Variants in MKX observed in about 807,000 individuals in gnomAD.
MKX encodes the protein mohawk homeobox.
Under a neutral mutation model 36.0 loss-of-function variants are expected in MKX, and 13 were observed. The observed-to-expected ratio is 0.36, with a 90% CI of 0.24 to 0.57. The LOEUF (loss-of-function observed/expected upper bound fraction) is 0.57, where lower values mean the gene tolerates loss of function less well. MKX is among the 20% of genes least tolerant of loss of function. MKX has a pLI of 0.79. For missense variants in MKX, 458 were observed against 456.4 expected, an observed-to-expected ratio of 1.00 and a Z score of -0.03; for synonymous variants, 176 against 178.3, an observed-to-expected ratio of 0.99 and a Z score of 0.10.
chr10:27,740,426 T>G (rs926400890), intron 3 of MKX, among the ~76,000 whole-genome samples: 13 of 152,200 alleles, frequency 8.5e-5, no homozygotes, highest in Non-Finnish European at 1.3e-4. Context: ...TTTAAAAAAT[T>G]GTGACATGAC....
intron 5 of MKX, among the ~76,000 whole-genome samples, chr10:27,711,006 A>G (rs1025817541): frequency 2.0e-5 from 3 of 152,180 alleles, no homozygotes; most frequent in South Asian, 4.1e-4. Flanking sequence ...TTTATAAGTC[A>G]TATTATTGGA....
Position 27,724,167 on chromosome 10 carries a change from A to C in MKX, c.838+10289T>G, listed in dbSNP as rs76131819. The stretch of plus-strand genomic sequence containing the variant: ...TTAAAACAAAAACAACACACACACA[A>C]AAAAATAAAATTGTGTGTATGTGTG... On this transcript the variant is annotated intron_variant, in intron 5 of 6. Coordinates refer to ENST00000419761, the MANE Select transcript of MKX (RefSeq NM_173576.3). Among the ~76,000 whole-genome samples the C allele has an allele frequency of 1.1e-3, 170 of 152,214 alleles. No individual in the cohort carries two copies. In the East Asian group the frequency reaches 0.02, roughly 17 times the overall value.
At chr10:27,676,033 G>C (rs1383135266) in intron 5 of MKX, among the ~76,000 whole-genome samples, 1 of 152,220 alleles carries the variant, frequency 6.6e-6, no homozygotes, top group Non-Finnish European at 1.5e-5. Flanking sequence ...CACTTTGGGA[G>C]GCCAAGGCGG....
chr10:27,728,905 C>T, intron 5 of MKX, among the ~76,000 whole-genome samples: 1 of 152,312 alleles, frequency 6.6e-6, no homozygotes, highest in African/African-American at 2.4e-5. Flanking sequence ...TCCTCTTTCC[C>T]CAGTAACCAA....
At chr10:27,734,111 T>C (rs1834695342) in intron 5 of MKX, among the ~76,000 whole-genome samples, 1 of 152,136 alleles carries the variant, frequency 6.6e-6, no homozygotes, top group Admixed American at 6.5e-5. Context: ...AACATTGTTA[T>C]TCTGAAGATT....
chr10:27,715,242 CCCTCT>C (rs1836943279), intron 5 of MKX, among the ~76,000 whole-genome samples: 1 of 152,154 alleles, frequency 6.6e-6, no homozygotes, highest in South Asian at 2.1e-4. Context: ...TTGCTGGAGT[CCCTCT>C]CCTCTCTACA....
chr10:27,686,481 G>T (rs1323992265), intron 5 of MKX, among the ~76,000 whole-genome samples: 2 of 151,872 alleles, frequency 1.3e-5, no homozygotes, highest in African/African-American at 4.8e-5. Flanking sequence ...GAAGAGAAAA[G>T]TCTTTTCTTT....
intron 5 of MKX, among the ~76,000 whole-genome samples, chr10:27,687,625 G>A (rs1408128780): frequency 1.3e-5 from 2 of 152,122 alleles, no homozygotes. Flanking sequence ...CTTAAAAGTA[G>A]CTTTTCAGAA....
Position 27,734,499 on chromosome 10 carries a change from A to G in MKX, c.795T>C (p.Ser265=), listed in dbSNP as rs1834704239. 6.2e-7 allele frequency: 1 copy of G among 1,614,100 alleles called. No individual in the cohort carries two copies. Residue 265 remains serine (S), a synonymous_variant, in exon 5 of 7, where the codon TCT becomes TCC. Coordinates refer to ENST00000419761, the MANE Select transcript of MKX (RefSeq NM_173576.3). The part of the protein sequence containing the change: ...SSNEFEEELV[S]PSSSETEGNF... ...TGCCTTCAGTTTCTGATGACGATGG[A>G]GACACTAATTCTTCCTCAAATTCAT...
At chr10:27,681,881 C>T (rs1201205004) in intron 5 of MKX, among the ~76,000 whole-genome samples, 1 of 151,934 alleles carries the variant, frequency 6.6e-6, no homozygotes, top group Non-Finnish European at 1.5e-5. Context: ...GAGATTGTGC[C>T]ATTGCACTCC....
chr10:27,745,267 T>C (rs549106034), intron 1 of MKX, among the ~76,000 whole-genome samples: 6 of 152,138 alleles, frequency 3.9e-5, no homozygotes, highest in Admixed American at 3.3e-4. Flanking sequence ...CCCGGCGCGC[T>C]GTAGGTCTGC....
chr10:27,717,368 C>G (rs1836984434), intron 5 of MKX, among the ~76,000 whole-genome samples: 1 of 152,196 alleles, frequency 6.6e-6, no homozygotes, highest in Non-Finnish European at 1.5e-5. Flanking sequence ...GCATTAAAAA[C>G]TGTTCTCTGA....
intron 5 of MKX, among the ~76,000 whole-genome samples, chr10:27,698,376 G>A (rs1836593059): frequency 6.6e-6 from 1 of 152,214 alleles, no homozygotes; most frequent in South Asian, 2.1e-4. Context: ...GAAGGAGCCA[G>A]GCGGGATCAT....
At chr10:27,735,741 T>A (rs1198704961) in intron 3 of MKX, among the ~76,000 whole-genome samples, 1 of 152,176 alleles carries the variant, frequency 6.6e-6, no homozygotes, top group African/African-American at 2.4e-5. Flanking sequence ...AGGGGTTACT[T>A]TCATATATGA....
intron 5 of MKX, chr10:27,718,536 G>C (rs1834297732): frequency 2.4e-6 from 1 of 409,310 alleles, no homozygotes; most frequent in Admixed American, 2.9e-5. Flanking sequence ...GGAATTCTTA[G>C]CTCCTTGTTT....
intron 5 of MKX, among the ~76,000 whole-genome samples, chr10:27,713,785 T>G (rs940314480): frequency 6.6e-5 from 10 of 152,074 alleles, no homozygotes; most frequent in African/African-American, 2.4e-4. Context: ...AAAAATGACC[T>G]TAGTAAAAAT....
At chr10:27,730,484 A>G (rs1413770535) in intron 5 of MKX, among the ~76,000 whole-genome samples, 4 of 148,830 alleles carry the variant, frequency 2.7e-5, no homozygotes, top group African/African-American at 7.5e-5. Context: ...TTGAGACACA[A>G]TTTCACTCTG....
intron 5 of MKX, among the ~76,000 whole-genome samples, chr10:27,722,056 T>C (rs1290348355): frequency 6.6e-6 from 1 of 152,132 alleles, no homozygotes; most frequent in Non-Finnish European, 1.5e-5. Flanking sequence ...CTTAAAATAA[T>C]AAAAATGTCA....
chr10:27,703,757 A>G (rs1183176186), intron 5 of MKX, among the ~76,000 whole-genome samples: 1 of 151,952 alleles, frequency 6.6e-6, no homozygotes, highest in Non-Finnish European at 1.5e-5. Flanking sequence ...AAAATTATCC[A>G]GGCATGGTGG....
Sources: allele counts gnomAD v4.1 joint callset (sites outside exome capture counted in the v4.1 genomes callset), GRCh38; gene constraint gnomAD v4.1.1; transcripts MANE v1.5; gene names NCBI Gene and HGNC (gene_info 2026-07-23, HGNC 2026-07-21).